The following BABAM2 variants were observed in gnomAD, a reference collection of about 807,000 sequenced individuals.
BABAM2 encodes BRISC and BRCA1-A complex member 2.
Under a neutral mutation model 54.7 loss-of-function variants are expected in BABAM2, and 31 were observed. The observed-to-expected ratio is 0.57, with a 90% CI of 0.43 to 0.77. The LOEUF is 0.77. Ranked by LOEUF, BABAM2 falls within the 30% of genes least tolerant of loss-of-function variation. The pLI, the probability that BABAM2 is intolerant of heterozygous loss-of-function variation, is 0.00. For missense variants in BABAM2, 364 were observed against 455.8 expected, an observed-to-expected ratio of 0.80 and a Z score of 1.83; for synonymous variants, 167 against 162.9, an observed-to-expected ratio of 1.03 and a Z score of -0.19.
At chr2:28,201,296 C>T (rs764809011) in intron 7 of BABAM2, among the ~76,000 whole-genome samples, 1 of 152,082 alleles carries the variant, frequency 6.6e-6, no homozygotes, top group Non-Finnish European at 1.5e-5. Flanking sequence ...ATTTCATTTT[C>T]TTTGGTCCTA....
chr2:28,337,442 C>T (rs908651043), intron 11 of BABAM2, among the ~76,000 whole-genome samples: 4 of 152,182 alleles, frequency 2.6e-5, no homozygotes, highest in African/African-American at 4.8e-5. Flanking sequence ...TGGGTCACCC[C>T]GCCACCCCTG....
intron 5 of BABAM2, among the ~76,000 whole-genome samples, chr2:28,034,616 C>G (rs905585433): frequency 7.2e-5 from 11 of 151,968 alleles, no homozygotes; most frequent in African/African-American, 2.7e-4. Flanking sequence ...AAGTGAAAAT[C>G]AGAAAAAGAG....
chr2:28,089,640 T>G (rs1665989846), intron 6 of BABAM2, among the ~76,000 whole-genome samples: 1 of 152,256 alleles, frequency 6.6e-6, no homozygotes, highest in Non-Finnish European at 1.5e-5. Flanking sequence ...GCACTTTAAG[T>G]AACTTGCCCA....
chr2:28,070,114 A>G (rs1663988143), intron 6 of BABAM2, among the ~76,000 whole-genome samples: 1 of 152,248 alleles, frequency 6.6e-6, no homozygotes, highest in Admixed American at 6.5e-5. Flanking sequence ...TTGAGATATT[A>G]CGTGGAATCA....
At chr2:28,113,904 T>C (rs1453642057) in intron 6 of BABAM2, among the ~76,000 whole-genome samples, 3 of 152,166 alleles carry the variant, frequency 2.0e-5, no homozygotes, top group Non-Finnish European at 4.4e-5. Flanking sequence ...ATTCTCTTTG[T>C]AGCAGTTGTG....
chr2:28,035,168 T>C (rs531989210), intron 5 of BABAM2, among the ~76,000 whole-genome samples: 3 of 152,206 alleles, frequency 2.0e-5, no homozygotes, highest in Non-Finnish European at 4.4e-5. Flanking sequence ...CTGTCTTTTT[T>C]TGCCTTTTAA....
At chr2:28,298,534 G>T (rs1264674984) in intron 11 of BABAM2, 43 bp downstream of exon 11, 1 of 1,612,084 alleles carries the variant, frequency 6.2e-7, no homozygotes, top group Non-Finnish European at 8.5e-7. Context: ...AGAGCATTTT[G>T]TTTATCTAGT....
chr2:28,232,607 A>G (rs1438030996), intron 7 of BABAM2, among the ~76,000 whole-genome samples: 1 of 152,250 alleles, frequency 6.6e-6, no homozygotes, highest in Non-Finnish European at 1.5e-5. Context: ...GGCTACAAAC[A>G]TACACAGCAT....
At chr2:28,175,517 A>G (rs1156552935) in intron 7 of BABAM2, among the ~76,000 whole-genome samples, 1 of 152,134 alleles carries the variant, frequency 6.6e-6, no homozygotes, top group Non-Finnish European at 1.5e-5. Context: ...GGACCTGAAG[A>G]TGGCCCACCC....
intron 7 of BABAM2, among the ~76,000 whole-genome samples, chr2:28,136,936 C>T (rs990850675): frequency 8.6e-5 from 13 of 152,002 alleles, no homozygotes; most frequent in Non-Finnish European, 1.5e-4. Context: ...GGATCAAATA[C>T]GTTTTTTAAA....
At chr2:28,092,567 T>C (rs1443057043) in intron 6 of BABAM2, among the ~76,000 whole-genome samples, 2 of 152,152 alleles carry the variant, frequency 1.3e-5, no homozygotes, top group Non-Finnish European at 2.9e-5. Context: ...AGAGAGATTA[T>C]AGAAGTCTTA....
intron 7 of BABAM2, among the ~76,000 whole-genome samples, chr2:28,187,662 ATTTTTTTTTT>A (rs35839748): frequency 1.0e-5 from 1 of 99,122 alleles, no homozygotes; most frequent in African/African-American, 3.8e-5. Context: ...GAACTTTGGA[ATTTTTTTTTT>A]TTTTTTTTTT....
At chr2:27,954,427 G>A (rs1669946341) in intron 3 of BABAM2, among the ~76,000 whole-genome samples, 1 of 152,224 alleles carries the variant, frequency 6.6e-6, no homozygotes, top group Non-Finnish European at 1.5e-5. Context: ...ACTCACTGAT[G>A]TCACAGCCAA....
chr2:27,918,724 C>T (rs1210546701), intron 2 of BABAM2, among the ~76,000 whole-genome samples: 3 of 151,816 alleles, frequency 2.0e-5, no homozygotes, highest in East Asian at 1.9e-4. Flanking sequence ...TTTCTCACTC[C>T]GTGGCTCAGG....
intron 4 of BABAM2, among the ~76,000 whole-genome samples, chr2:27,997,216 C>T (rs1673219651): frequency 6.6e-6 from 1 of 151,884 alleles, no homozygotes; most frequent in African/African-American, 2.4e-5. Flanking sequence ...ATATATATTC[C>T]TAAGGTAGAA....
At chr2:27,909,159 C>A (rs1209605030) in intron 2 of BABAM2, among the ~76,000 whole-genome samples, 2 of 151,934 alleles carry the variant, frequency 1.3e-5, no homozygotes, top group African/African-American at 4.8e-5. Context: ...ATCCTCCCAC[C>A]TCAGCCTCTT....
At chr2:28,104,387 C>T (rs1667328707) in intron 6 of BABAM2, among the ~76,000 whole-genome samples, 1 of 152,160 alleles carries the variant, frequency 6.6e-6, no homozygotes, top group South Asian at 2.1e-4. Flanking sequence ...AGGATATGAA[C>T]AGACACTTCT....
At chr2:28,224,849 G>GAA (rs1406843262) in intron 7 of BABAM2, among the ~76,000 whole-genome samples, 7,592 of 60,024 alleles carry the variant, frequency 0.13, 315 homozygotes, top group African/African-American at 0.17. Context: ...ACGGTAAATT[G>GAA]ACAAAAAAAA....
At chr2:28,076,767 A>G (rs545676617) in intron 6 of BABAM2, among the ~76,000 whole-genome samples, 1 of 152,196 alleles carries the variant, frequency 6.6e-6, no homozygotes, top group South Asian at 2.1e-4. Context: ...CGGCCTCCCA[A>G]AGTGAGATTA....
Sources: allele counts gnomAD v4.1 joint callset (sites outside exome capture counted in the v4.1 genomes callset), GRCh38; gene constraint gnomAD v4.1.1; transcripts MANE v1.5; gene names NCBI Gene and HGNC (gene_info 2026-07-23, HGNC 2026-07-21).